PDCD4: variants seen among roughly 807,000 people sequenced by gnomAD.
PDCD4 encodes programmed cell death protein 4.
A neutral mutation model predicts 54.0 loss-of-function variants in PDCD4; 56 were observed. The observed-to-expected ratio is 1.04, with a 90% confidence interval of 0.84 to 1.30. The LOEUF (loss-of-function observed/expected upper bound fraction) is 1.30. Ranked by LOEUF, PDCD4 falls within the 50% of genes most tolerant of loss-of-function variation. The pLI is 0.00. For synonymous variants in PDCD4, 186 were observed against 194.8 expected, an observed-to-expected ratio of 0.95 and a Z score of 0.37; for missense variants, 584 against 559.8, an observed-to-expected ratio of 1.04 and a Z score of -0.44.
At chr10:110,885,164 A>AT in intron 4 of PDCD4, 89 bp from the exon 5 acceptor site, 1 of 649,102 alleles carries the variant, frequency 1.5e-6, no homozygotes, top group South Asian at 1.9e-5. Context: ...GGGGATTATT[A>AT]ACCACTTAGA....
chr10:110,891,201 T>C (rs1321502309), intron 8 of PDCD4, among the ~76,000 whole-genome samples: 1 of 151,876 alleles, frequency 6.6e-6, no homozygotes, highest in Admixed American at 6.6e-5. Context: ...GGCCAGGAGT[T>C]TGAGACCAGC....
At chr10:110,886,011 T>C (rs1845665041) in intron 5 of PDCD4, among the ~76,000 whole-genome samples, 2 of 152,182 alleles carry the variant, frequency 1.3e-5, no homozygotes, top group Non-Finnish European at 1.5e-5. Context: ...GACTGGACTT[T>C]TATGATTTGT....
intron 11 of PDCD4, among the ~76,000 whole-genome samples, chr10:110,897,208 T>G (rs1483420290): frequency 1.4e-4 from 22 of 152,200 alleles, no homozygotes; most frequent in Admixed American, 1.4e-3. Flanking sequence ...AAAGTCTGAT[T>G]GTTTCTGTGT....
At chr10:110,897,939 G>A (rs550492918) in intron 11 of PDCD4, 89 bp from the exon 12 acceptor site, 20 of 888,262 alleles carry the variant, frequency 2.3e-5, no homozygotes, top group South Asian at 4.3e-5. Flanking sequence ...AACACGTAAC[G>A]AAAAAATACC....
At chr10:110,892,748 G>A (rs1348949408) in intron 8 of PDCD4, among the ~76,000 whole-genome samples, 3 of 152,040 alleles carry the variant, frequency 2.0e-5, no homozygotes, top group African/African-American at 7.2e-5. Flanking sequence ...ATTTAATGTA[G>A]CCTAAGTATA....
intron 10 of PDCD4, 108 bp from the exon 11 acceptor site, chr10:110,895,840 T>C: frequency 1.1e-5 from 8 of 759,824 alleles, no homozygotes; most frequent in Non-Finnish European, 1.5e-5. Context: ...AGTTTAACCA[T>C]TTGAATATTT....
At chr10:110,891,507 A>G (rs975559115) in intron 8 of PDCD4, among the ~76,000 whole-genome samples, 1 of 151,996 alleles carries the variant, frequency 6.6e-6, no homozygotes, top group East Asian at 1.9e-4. Context: ...TCCTATAACA[A>G]GAAACCAAAA....
At chr10:110,876,215 C>T (rs1048271701) in intron 2 of PDCD4, 145 bp downstream of exon 2, 6 of 569,774 alleles carry the variant, frequency 1.1e-5, no homozygotes, top group Non-Finnish European at 1.8e-5. Flanking sequence ...CTATCTCAGC[C>T]TCCTCAGCAG....
At chr10:110,894,867 C>G (rs1192991751) in intron 10 of PDCD4, among the ~76,000 whole-genome samples, 2 of 151,378 alleles carry the variant, frequency 1.3e-5, no homozygotes, top group South Asian at 2.1e-4. Flanking sequence ...TACTTTTTTC[C>G]TATTAAAAAT....
intron 11 of PDCD4, 26 bp downstream of exon 11, chr10:110,896,113 CA>C: frequency 6.5e-7 from 1 of 1,537,176 alleles, no homozygotes; most frequent in Non-Finnish European, 8.9e-7. Context: ...ACTACTTTCT[CA>C]ATGTAAAATA....
intron 6 of PDCD4, among the ~76,000 whole-genome samples, chr10:110,889,058 C>T (rs943434236): frequency 2.3e-4 from 35 of 151,808 alleles, no homozygotes; most frequent in Middle Eastern, 3.4e-3. Context: ...GGTGACACCC[C>T]GTCTCTACTA....
Position 110,896,057 on chromosome 10 carries a change from C to T in PDCD4, c.1319C>T (p.Ser440Phe), listed in dbSNP as rs1845826847. 2 of 1,610,518 alleles carry T rather than the reference C, an allele frequency of 1.2e-6. No individual in the cohort carries two copies. The highest frequency in any genetic ancestry group is 1.3e-5 in the African/African-American group (1 of 74,638). Reference sequence around the variant, plus strand: ...GAATGTTTTCAGGCTGGAATAATTTCCAAACAACTCAGAGATCTTTGTCCT... The same window carrying T: ...GAATGTTTTCAGGCTGGAATAATTTTCAAACAACTCAGAGATCTTTGTCCT... The part of the protein sequence containing the change: ...VEECFQAGII[S>F]KQLRDLCPSR... The change falls in exon 11 of 12, where the codon TCC becomes TTC. Residue 440 changes from serine (S) to phenylalanine (F), a missense_variant. Transcript: ENST00000280154.
chr10:110,893,519 A>G (rs1429338806), intron 8 of PDCD4, among the ~76,000 whole-genome samples: 1 of 151,938 alleles, frequency 6.6e-6, no homozygotes, highest in Admixed American at 6.6e-5. Flanking sequence ...TTTGAGCGGG[A>G]AAATCAAGAC....
intron 5 of PDCD4, among the ~76,000 whole-genome samples, chr10:110,886,451 C>T (rs893941408): frequency 6.6e-6 from 1 of 152,140 alleles, no homozygotes. Flanking sequence ...AAAGTGCGGT[C>T]AAGGAAGATG....
chr10:110,889,549 T>A lies in PDCD4; in HGVS notation c.794T>A (p.Ile265Asn). 1 of 1,601,636 alleles carries A rather than the reference T, an allele frequency of 6.2e-7. No homozygotes were observed. Among genetic ancestry groups the A allele is most frequent in the Non-Finnish European group, 8.5e-7 (1 of 1,170,464 alleles). The change falls in exon 7 of 12, where the codon ATT (isoleucine) becomes AAT (asparagine). Residue 265 changes from isoleucine (I) to asparagine (N), a missense_variant. By Grantham distance (149) the Ile-to-Asn change is moderately radical. Transcript: ENST00000280154. ...PRAPQLVGQFIARAVGDGILC... is the reference protein window; with the variant it reads ...PRAPQLVGQFNARAVGDGILC... The stretch of plus-strand genomic sequence containing the variant: ...TTTTTACAGTTGGTGGGCCAGTTTA[T>A]TGCTAGAGCTGTTGGAGATGGAATT...
At chr10:110,873,578 T>G (rs1356067282) in intron 1 of PDCD4, among the ~76,000 whole-genome samples, 1 of 152,248 alleles carries the variant, frequency 6.6e-6, no homozygotes, top group Admixed American at 6.5e-5. Flanking sequence ...TTCTAACTTG[T>G]ATGTATAGTT....
At chr10:110,897,224 T>TA (rs1351747494) in intron 11 of PDCD4, among the ~76,000 whole-genome samples, 1 of 152,230 alleles carries the variant, frequency 6.6e-6, no homozygotes, top group African/African-American at 2.4e-5. Flanking sequence ...TGTGTGGCTT[T>TA]ATTCTCAAGG....
intron 4 of PDCD4, among the ~76,000 whole-genome samples, chr10:110,884,488 A>G (rs542861960): frequency 1.3e-5 from 2 of 152,112 alleles, no homozygotes; most frequent in Non-Finnish European, 2.9e-5. Context: ...TCACTACAAC[A>G]TTGATCTTTG....
Position 110,896,123 on chromosome 10 carries a change from T to C in PDCD4, c.1349+36T>C, listed in dbSNP as rs749762132. Reference sequence around the variant, plus strand: ...TAAATACTACTTTCTCAATGTAAAATAGTGGATGAGATCTTTGGGAAGGTT... The same window carrying C: ...TAAATACTACTTTCTCAATGTAAAACAGTGGATGAGATCTTTGGGAAGGTT... On this transcript the variant is annotated intron_variant, in intron 11 of 11. Transcript: ENST00000280154. 7 of 1,491,174 alleles carry C rather than the reference T, an allele frequency of 4.7e-6. No homozygotes were observed. The East Asian group carries it at 1.1e-4, about 24-fold the overall frequency. The allele number at this position is 1,491,174 out of a possible 1,614,324, so 92.4% of individuals were successfully genotyped here. A position where few individuals can be genotyped will look rare whatever the true frequency, so the allele number is the denominator to read the frequency against.
Sources: gnomAD v4.1 joint callset for allele counts (sites outside exome capture counted in the v4.1 genomes callset) on GRCh38, gnomAD v4.1.1 for gene constraint, MANE v1.5 for transcripts, NCBI Gene and HGNC (gene_info 2026-07-23, HGNC 2026-07-21) for gene names.